The following DPP10 variants were observed in gnomAD, a reference collection of about 807,000 sequenced individuals.
DPP10 encodes the protein inactive dipeptidyl peptidase 10.
DPP10 carries 33 observed loss-of-function variants against 120.9 expected under a neutral mutation model. The observed-to-expected ratio is 0.27, with a 90% CI of 0.21 to 0.37. The LOEUF (loss-of-function observed/expected upper bound fraction) is 0.37, where lower values mean the gene tolerates loss of function less well. Among genes scored for constraint, DPP10 ranks in the 10% least tolerant of loss-of-function variants. DPP10 has a pLI of 1.00. For synonymous variants in DPP10, 337 were observed against 326.1 expected, an observed-to-expected ratio of 1.03 and a Z score of -0.36; for missense variants, 816 against 942.8, an observed-to-expected ratio of 0.87 and a Z score of 1.76.
chr2:114,537,453 C>T (rs770173585), intron 1 of DPP10, among the ~76,000 whole-genome samples: 16 of 151,874 alleles, frequency 1.1e-4, no homozygotes, highest in South Asian at 2.1e-4. Context: ...GTTTTCAAGT[C>T]GGCAAATTCC....
intron 1 of DPP10, among the ~76,000 whole-genome samples, chr2:114,562,421 A>G (rs1312161581): frequency 6.6e-6 from 1 of 152,202 alleles, no homozygotes; most frequent in Non-Finnish European, 1.5e-5. Flanking sequence ...TTAAAGTCAG[A>G]ATAGCATCTT....
intron 1 of DPP10, among the ~76,000 whole-genome samples, chr2:114,860,391 TAGG>T (rs1380389191): frequency 1.3e-5 from 2 of 152,214 alleles, no homozygotes; most frequent in Non-Finnish European, 2.9e-5. Flanking sequence ...CATTTTAAAA[TAGG>T]AGCATTGGGG....
chr2:115,200,214 C>G (rs192362095), intron 1 of DPP10, among the ~76,000 whole-genome samples: 1 of 152,116 alleles, frequency 6.6e-6, no homozygotes, highest in East Asian at 1.9e-4. Flanking sequence ...TTCGGTTGGG[C>G]GTCTTTTCCA....
At chr2:114,646,562 C>T (rs531322581) in intron 1 of DPP10, among the ~76,000 whole-genome samples, 1 of 152,280 alleles carries the variant, frequency 6.6e-6, no homozygotes, top group African/African-American at 2.4e-5. Flanking sequence ...GAACTCTGTT[C>T]TCGAGATGAC....
At chr2:115,075,945 G>A (rs984767345) in intron 1 of DPP10, among the ~76,000 whole-genome samples, 2 of 152,050 alleles carry the variant, frequency 1.3e-5, no homozygotes, top group Admixed American at 1.3e-4. Context: ...AAGCAATTAA[G>A]GGAGGCTGCT....
At chr2:115,718,622 T>C (rs1021165862) in intron 7 of DPP10, among the ~76,000 whole-genome samples, 2 of 152,194 alleles carry the variant, frequency 1.3e-5, no homozygotes, top group Non-Finnish European at 2.9e-5. Flanking sequence ...AATGCCCTCA[T>C]CCATTGGTTT....
At chr2:114,924,170 A>C (rs1327330927) in intron 1 of DPP10, among the ~76,000 whole-genome samples, 1 of 152,196 alleles carries the variant, frequency 6.6e-6, no homozygotes, top group African/African-American at 2.4e-5. Context: ...CCCTAAAACC[A>C]GCTCATAATA....
chr2:114,931,200 T>C (rs1696042508), intron 1 of DPP10, among the ~76,000 whole-genome samples: 1 of 152,194 alleles, frequency 6.6e-6, no homozygotes, highest in African/African-American at 2.4e-5. Context: ...CAATTTTCTG[T>C]CTTTGCTTGT....
At chr2:115,267,674 G>T (rs1388910384) in intron 1 of DPP10, among the ~76,000 whole-genome samples, 1 of 151,870 alleles carries the variant, frequency 6.6e-6, no homozygotes, top group Non-Finnish European at 1.5e-5. Context: ...CGAGGCATTT[G>T]TTTATGCAGT....
chr2:115,634,646 A>G (rs182725336), intron 5 of DPP10, among the ~76,000 whole-genome samples: 112 of 152,268 alleles, frequency 7.4e-4, no homozygotes, highest in African/African-American at 2.5e-3. Flanking sequence ...ATGCTACTGT[A>G]TAATGTGTCT....
intron 11 of DPP10, among the ~76,000 whole-genome samples, chr2:115,755,367 T>C (rs1310505131): frequency 6.6e-6 from 1 of 152,018 alleles, no homozygotes; most frequent in East Asian, 1.9e-4. Flanking sequence ...AATACATGTG[T>C]TTATAGTGAA....
intron 7 of DPP10, among the ~76,000 whole-genome samples, chr2:115,704,490 C>G (rs1486091662): frequency 1.3e-5 from 2 of 151,888 alleles, no homozygotes; most frequent in African/African-American, 4.8e-5. Context: ...TTCTCCTCCT[C>G]CATTTCTTCC....
At chr2:114,516,170 T>C (rs1558834210) in intron 1 of DPP10, among the ~76,000 whole-genome samples, 1 of 152,186 alleles carries the variant, frequency 6.6e-6, no homozygotes, top group African/African-American at 2.4e-5. Context: ...AGAACAACTG[T>C]TCTAGAAAGA....
At position 115,842,200 on chromosome 2, in the gene DPP10, C is replaced by T. The variant is rs1459591461; in HGVS notation, c.2257-11C>T. 5.1e-6 allele frequency: 8 copies of T among 1,572,146 alleles called. No individual in the cohort carries two copies. The highest frequency in any genetic ancestry group is 8.7e-7 in the Non-Finnish European group (1 of 1,152,202). On this transcript the variant is annotated splice_polypyrimidine_tract_variant and intron_variant, in intron 25 of 25. Coordinates refer to ENST00000410059, the MANE Select transcript of DPP10 (RefSeq NM_020868.6). ...GATAATTTGAAATCTTCTTTCTCCT[C>T]AATATCTTAGGTCTACCCAGATGAA... is the stretch of plus-strand genomic sequence containing the variant.
chr2:114,956,795 A>G (rs1035658509), intron 1 of DPP10, among the ~76,000 whole-genome samples: 1 of 152,124 alleles, frequency 6.6e-6, no homozygotes, highest in African/African-American at 2.4e-5. Flanking sequence ...TAACCTGTGC[A>G]TTTATGGTCT....
intron 3 of DPP10, among the ~76,000 whole-genome samples, chr2:115,469,905 A>C (rs1020728267): frequency 4.6e-4 from 70 of 151,866 alleles, no homozygotes; most frequent in Non-Finnish European, 8.8e-4. Flanking sequence ...AAAAAGAAAA[A>C]AAAAAACTAG....
chr2:114,974,633 T>C (rs939992368), intron 1 of DPP10, among the ~76,000 whole-genome samples: 3 of 152,044 alleles, frequency 2.0e-5, no homozygotes, highest in Admixed American at 1.3e-4. Context: ...GATCTTGAAC[T>C]CCTGCCCTCA....
chr2:114,908,409 TA>T (rs949556454), intron 1 of DPP10, among the ~76,000 whole-genome samples: 5 of 151,982 alleles, frequency 3.3e-5, no homozygotes, highest in Non-Finnish European at 5.9e-5. Context: ...TTTTTTCATT[TA>T]ATAAACATTT....
At chr2:115,676,383 T>G (rs988562101) in intron 5 of DPP10, among the ~76,000 whole-genome samples, 1 of 152,104 alleles carries the variant, frequency 6.6e-6, no homozygotes, top group Admixed American at 6.5e-5. Context: ...AAAAGATCTT[T>G]CCCTATAAAA....
Sources: gnomAD v4.1 joint callset for allele counts (sites outside exome capture counted in the v4.1 genomes callset) on GRCh38, gnomAD v4.1.1 for gene constraint, MANE v1.5 for transcripts, NCBI Gene and HGNC (gene_info 2026-07-23, HGNC 2026-07-21) for gene names.